SCGN: variants seen among roughly 807,000 people sequenced by gnomAD.
The protein encoded by SCGN is secretagogin.
Under a neutral mutation model 39.7 loss-of-function variants are expected in SCGN, and 30 were observed. That is an observed-to-expected ratio of 0.76 (90% CI 0.57 to 1.03). SCGN has a LOEUF of 1.03. SCGN is among the 50% of genes least tolerant of loss of function. SCGN has a pLI of 0.00. For missense variants in SCGN, 353 were observed against 349.4 expected, an observed-to-expected ratio of 1.01 and a Z score of -0.08; for synonymous variants, 106 against 114.1, an observed-to-expected ratio of 0.93 and a Z score of 0.45.
At chr6:25,665,718 A>G (rs1381223834) in intron 4 of SCGN, among the ~76,000 whole-genome samples, 1 of 152,246 alleles carries the variant, frequency 6.6e-6, no homozygotes, top group African/African-American at 2.4e-5. Flanking sequence ...CACACTGGAA[A>G]TAGTTACCAT....
chr6:25,687,525 A>C (rs181382960), intron 7 of SCGN, among the ~76,000 whole-genome samples: 24 of 152,200 alleles, frequency 1.6e-4, no homozygotes, highest in Admixed American at 9.2e-4. Flanking sequence ...TTTTATATTA[A>C]TCTGGTATTC....
Position 25,689,203 on chromosome 6 carries a change from C to T in SCGN, c.559C>T (p.Gln187Ter). The change falls in exon 8 of 11, where the codon CAA becomes TAA. Residue 187 changes from glutamine to a stop codon, truncating the protein, a stop_gained. Coordinates refer to ENST00000377961, the MANE Select transcript of SCGN (RefSeq NM_006998.4). LOFTEE classifies it high-confidence loss of function. ...GGCTCTTCAGGAAAACTTCCTTCTC[C>T]AATTTAAAATGGATGTAAGTAGTGA... ...ILALQENFLL[Q>*]FKMDACSTEE... The T allele has an allele frequency of 1.3e-6, 2 of 1,594,900 alleles. No individual in the cohort carries two copies. Among genetic ancestry groups the T allele is most frequent in the Non-Finnish European group, 8.6e-7 (1 of 1,167,110 alleles).
At chr6:25,691,254 A>T (rs1759770465) in intron 10 of SCGN, 130 bp downstream of exon 10, 2 of 651,960 alleles carry the variant, frequency 3.1e-6, no homozygotes, top group Admixed American at 6.3e-5. Flanking sequence ...TTATTTAATA[A>T]CCTTTGAATT....
rs117694806 is a variant in SCGN at position 25,686,959 on chromosome 6, C to T, written c.528-2213C>T. Among the ~76,000 whole-genome samples, 86 of 152,198 alleles carry T rather than the reference C, an allele frequency of 5.7e-4. 1 individual carries two copies. Among genetic ancestry groups the T allele is most frequent in the Admixed American group, 4.2e-3 (64 of 15,298 alleles). On this transcript the variant is annotated intron_variant, in intron 7 of 10. Transcript: ENST00000377961. ...ACCATTTCTTGAATATTTTTCCTTA[C>T]TGAATGGTCTTGGCACCCTTTCTGA...
rs993944860 is a variant in SCGN, at chr6:25,652,347, C to T, written c.-57C>T. ...AGTCAAGAAATACGGTGAAGGAGTCCTTCCCAAAGTTGTCTAGGTCCTTCC... is the reference window on the plus strand; with the variant it reads ...AGTCAAGAAATACGGTGAAGGAGTCTTTCCCAAAGTTGTCTAGGTCCTTCC... On this transcript the variant is annotated 5_prime_UTR_variant, in exon 1 of 11. Coordinates refer to ENST00000377961, the MANE Select transcript of SCGN (RefSeq NM_006998.4). 1 of 1,374,558 alleles carries T rather than the reference C, an allele frequency of 7.3e-7. No homozygotes were observed. Among genetic ancestry groups the T allele is most frequent in the Non-Finnish European group, 1.0e-6 (1 of 963,132 alleles). 85.1% of individuals were successfully genotyped at this position (1,374,558 alleles called of 1,614,324 possible).
intron 10 of SCGN, among the ~76,000 whole-genome samples, chr6:25,692,751 G>A (rs1056922232): frequency 7.9e-5 from 12 of 152,158 alleles, no homozygotes; most frequent in African/African-American, 2.9e-4. Flanking sequence ...GAATACATCC[G>A]ATTTACAGAA....
chr6:25,676,466 A>T (rs547752591), intron 6 of SCGN, among the ~76,000 whole-genome samples: 8 of 152,308 alleles, frequency 5.3e-5, no homozygotes, highest in Non-Finnish European at 1.0e-4. Context: ...CTATTACCTG[A>T]CATACTTTTG....
intron 2 of SCGN, among the ~76,000 whole-genome samples, chr6:25,653,778 G>A (rs1760176771): frequency 6.6e-6 from 1 of 152,152 alleles, no homozygotes; most frequent in Non-Finnish European, 1.5e-5. Flanking sequence ...GGGTAAAGTA[G>A]CCCACTTTGT....
intron 7 of SCGN, among the ~76,000 whole-genome samples, chr6:25,684,190 T>C (rs558703027): frequency 1.6e-4 from 25 of 152,320 alleles, no homozygotes; most frequent in South Asian, 4.1e-4. Flanking sequence ...TCTAATCCCT[T>C]GAATAACTTC....
intron 6 of SCGN, among the ~76,000 whole-genome samples, chr6:25,678,131 G>A (rs1759589233): frequency 6.6e-6 from 1 of 152,162 alleles, no homozygotes; most frequent in African/African-American, 2.4e-5. Context: ...ATTTCTGGGA[G>A]CCTTTATAGC....
At chr6:25,660,645 A>G (rs1222625796) in intron 2 of SCGN, among the ~76,000 whole-genome samples, 1 of 152,234 alleles carries the variant, frequency 6.6e-6, no homozygotes, top group Non-Finnish European at 1.5e-5. Flanking sequence ...GCCCAAGGCC[A>G]CCCAGAGAAC....
intron 10 of SCGN, among the ~76,000 whole-genome samples, chr6:25,696,319 T>C (rs1228311838): frequency 1.3e-5 from 2 of 152,158 alleles, no homozygotes; most frequent in Non-Finnish European, 2.9e-5. Flanking sequence ...TTTTCTCCTA[T>C]GTATGTTTTT....
intron 10 of SCGN, among the ~76,000 whole-genome samples, chr6:25,698,220 A>G (rs1759862915): frequency 6.6e-6 from 1 of 152,186 alleles, no homozygotes; most frequent in Admixed American, 6.5e-5. Flanking sequence ...GGTCCAAAGG[A>G]ACTTCCTTTA....
chr6:25,665,110 A>G, intron 4 of SCGN, 78 bp downstream of exon 4: 1 of 1,101,910 alleles, frequency 9.1e-7, no homozygotes, highest in Non-Finnish European at 1.4e-6. Context: ...TGTGGCTGCC[A>G]CCACTCCTGC....
At chr6:25,682,063 G>A in intron 7 of SCGN, 57 bp downstream of exon 7, 1 of 1,307,498 alleles carries the variant, frequency 7.6e-7, no homozygotes, top group Non-Finnish European at 1.1e-6. Flanking sequence ...GGGGTCTGAT[G>A]ACATCATATA....
intron 3 of SCGN, among the ~76,000 whole-genome samples, chr6:25,663,696 C>T (rs900922266): frequency 3.3e-5 from 5 of 152,152 alleles, no homozygotes; most frequent in African/African-American, 1.2e-4. Flanking sequence ...AACTGCACTG[C>T]CTCCCATTGA....
At position 25,701,310 on chromosome 6, in the gene SCGN, G is replaced by T. The variant is rs767915477; in HGVS notation, c.806G>T (p.Cys269Phe). 2 of 1,612,860 alleles carry T rather than the reference G, an allele frequency of 1.2e-6. No individual in the cohort carries two copies. Among genetic ancestry groups the T allele is most frequent in the Non-Finnish European group, 1.7e-6 (2 of 1,179,530 alleles). Residue 269 changes from cysteine (C) to phenylalanine (F), a missense_variant, in exon 11 of 11, where the codon TGT becomes TTT. By Grantham distance (205) the Cys-to-Phe change is radical. Transcript: ENST00000377961. Reference protein sequence around the residue: ...GKIQKSELALCLGLKINP With the variant: ...GKIQKSELALFLGLKINP Reference sequence around the variant, plus strand: ...ATTCAGAAGTCTGAGCTGGCTTTGTGTCTTGGGCTGAAAATCAACCCATAA... The same window carrying T: ...ATTCAGAAGTCTGAGCTGGCTTTGTTTCTTGGGCTGAAAATCAACCCATAA...
intron 6 of SCGN, among the ~76,000 whole-genome samples, chr6:25,680,525 G>C (rs912898356): frequency 6.6e-6 from 1 of 152,190 alleles, no homozygotes; most frequent in Admixed American, 6.5e-5. Flanking sequence ...TCGAGCACAG[G>C]ATTGTTTTCT....
chr6:25,670,360 A>C (rs537383958), intron 6 of SCGN, among the ~76,000 whole-genome samples: 4 of 152,342 alleles, frequency 2.6e-5, no homozygotes, highest in African/African-American at 9.6e-5. Flanking sequence ...CAATAACCTC[A>C]ATGTTAATTG....
Sources: gnomAD v4.1 joint callset for allele counts (sites outside exome capture counted in the v4.1 genomes callset) on GRCh38, gnomAD v4.1.1 for gene constraint, MANE v1.5 for transcripts, NCBI Gene and HGNC (gene_info 2026-07-23, HGNC 2026-07-21) for gene names.